DDX10: variants seen among roughly 807,000 people sequenced by gnomAD.
The protein encoded by DDX10 is DEAD-box helicase 10.
A neutral mutation model predicts 104.3 loss-of-function variants in DDX10; 74 were observed. The observed-to-expected ratio is 0.71, with a 90% CI of 0.59 to 0.86. The LOEUF is 0.86. Ranked by LOEUF, DDX10 falls within the 40% of genes least tolerant of loss-of-function variation. The pLI, the probability that DDX10 is intolerant of heterozygous loss-of-function variation, is 0.00. For missense variants in DDX10, 952 were observed against 1,040.0 expected (o/e 0.92, Z 1.16); for synonymous variants, 351 against 353.4 (o/e 0.99, Z 0.08).
intron 16 of DDX10, among the ~76,000 whole-genome samples, chr11:108,853,268 T>G (rs1468070851): frequency 6.6e-6 from 1 of 152,136 alleles, no homozygotes; most frequent in Non-Finnish European, 1.5e-5. Flanking sequence ...TCTCAGAGGC[T>G]GTAGTGGGAA....
At position 108,677,169 on chromosome 11, in the gene DDX10, T is replaced by A; in HGVS notation, c.463T>A (p.Tyr155Asn). ...AATATCACCTACGAGAGAACTGGCC[T>A]ATCAGACCTTTGAGGTTCTCCGAAA... Reference protein sequence around the residue: ...LIISPTRELAYQTFEVLRKVG... With the variant: ...LIISPTRELANQTFEVLRKVG... Residue 155 changes from tyrosine to asparagine, a missense_variant, in exon 4 of 18, where the codon TAT becomes AAT. Tyr to Asn is a moderately radical substitution (Grantham distance 143). Around this residue, in one of 3 missense-constraint regions of DDX10, gnomAD observed 412 missense variants for 479.2 expected, o/e 0.86. Coordinates refer to ENST00000322536, the MANE Select transcript of DDX10 (RefSeq NM_004398.4). The A allele has an allele frequency of 6.2e-7, 1 of 1,613,966 alleles. No individual in the cohort carries two copies. The highest frequency in any genetic ancestry group is 8.5e-7 in the Non-Finnish European group (1 of 1,179,934).
intron 16 of DDX10, among the ~76,000 whole-genome samples, chr11:108,875,060 C>A (rs1406589389): frequency 6.6e-6 from 1 of 152,066 alleles, no homozygotes; most frequent in Non-Finnish European, 1.5e-5. Context: ...GTTAAACAAC[C>A]AATAAAATGG....
rs543816555 is a variant in DDX10 at position 108,740,183 on chromosome 11, A to G, written c.1965+16721A>G. Among the ~76,000 whole-genome samples the G allele has an allele frequency of 2.0e-5, 3 of 152,098 alleles. No homozygotes were observed. The East Asian group carries it at 5.8e-4, about 29-fold the overall frequency. ...CCCCTGTGTCTCTTGTTGCCTTCAG[A>G]TCCATATGTACTCAATGTTTAACTT... is the stretch of plus-strand genomic sequence containing the variant. On this transcript the variant is annotated intron_variant, in intron 13 of 17. Coordinates refer to ENST00000322536, the MANE Select transcript of DDX10 (RefSeq NM_004398.4).
At chr11:108,714,357 CTCTT>C (rs2094288586) in intron 10 of DDX10, among the ~76,000 whole-genome samples, 1 of 149,276 alleles carries the variant, frequency 6.7e-6, no homozygotes, top group Non-Finnish European at 1.5e-5. Context: ...ACTCACCTCT[CTCTT>C]TCCTGTGTTG....
In DDX10 at chr11:108,729,273, A is replaced by G. The variant is rs146634310; in HGVS notation, c.1965+5811A>G. 3.3e-5 allele frequency among the ~76,000 whole-genome samples: 5 copies of G among 152,258 alleles called. No individual in the cohort carries two copies. In the East Asian group the frequency reaches 7.7e-4, roughly 24 times the overall value. On this transcript the variant is annotated intron_variant, in intron 13 of 17. Coordinates refer to ENST00000322536, the MANE Select transcript of DDX10 (RefSeq NM_004398.4). ...CGTAATACCTCCTTATGCCGCTCTT[A>G]TTGAAGGAGGGTCACAAATTCCTCC...
chr11:108,832,357 C>G (rs1862484603), intron 13 of DDX10, among the ~76,000 whole-genome samples: 1 of 152,120 alleles, frequency 6.6e-6, no homozygotes, highest in Non-Finnish European at 1.5e-5. Flanking sequence ...TTCATCTTCA[C>G]AAAAACCAAA....
chr11:108,885,388 C>T (rs1218134637), intron 16 of DDX10, among the ~76,000 whole-genome samples: 9 of 146,422 alleles, frequency 6.1e-5, no homozygotes, highest in South Asian at 2.2e-4. Context: ...GATGGAGTCT[C>T]GCACTCTCAC....
At chr11:108,814,208 T>TGGTA (rs1287926121) in intron 13 of DDX10, among the ~76,000 whole-genome samples, 5 of 152,160 alleles carry the variant, frequency 3.3e-5, no homozygotes, top group African/African-American at 1.2e-4. Flanking sequence ...GGCTAAGAGA[T>TGGTA]GGTAGGTCTT....
At chr11:108,706,044 T>C (rs1261954844) in intron 9 of DDX10, among the ~76,000 whole-genome samples, 1 of 152,112 alleles carries the variant, frequency 6.6e-6, no homozygotes, top group Non-Finnish European at 1.5e-5. Context: ...TGATCTCAGC[T>C]CACTGCAACC....
chr11:108,879,323 A>G (rs1428081686), intron 16 of DDX10, among the ~76,000 whole-genome samples: 3 of 152,180 alleles, frequency 2.0e-5, no homozygotes, highest in East Asian at 1.9e-4. Context: ...TCTTCTAAAC[A>G]TTTGGATTCA....
At chr11:108,679,291 A>G (rs560673467) in intron 5 of DDX10, 80 bp from the exon 6 acceptor site, 5 of 1,209,082 alleles carry the variant, frequency 4.1e-6, no homozygotes, top group Middle Eastern at 5.8e-4. Flanking sequence ...CTGTTTTAGG[A>G]TCCAATCCAG....
intron 16 of DDX10, among the ~76,000 whole-genome samples, chr11:108,898,515 C>T (rs1201393427): frequency 6.6e-6 from 1 of 151,916 alleles, no homozygotes; most frequent in Non-Finnish European, 1.5e-5. Flanking sequence ...TAACAAATGA[C>T]ACAGAAAGAC....
intron 6 of DDX10, among the ~76,000 whole-genome samples, chr11:108,688,056 C>CT (rs2094247100): frequency 6.6e-6 from 1 of 152,086 alleles, no homozygotes; most frequent in African/African-American, 2.4e-5. Flanking sequence ...ATCTTCATTC[C>CT]TTTTTTACAG....
chr11:108,832,106 CA>C (rs1862481098), intron 13 of DDX10, among the ~76,000 whole-genome samples: 1 of 151,868 alleles, frequency 6.6e-6, no homozygotes, highest in Admixed American at 6.6e-5. Flanking sequence ...AAAATCTTGT[CA>C]AAAAATATAA....
At chr11:108,722,425 T>C (rs1240317651) in intron 12 of DDX10, among the ~76,000 whole-genome samples, 1 of 152,236 alleles carries the variant, frequency 6.6e-6, no homozygotes, top group African/African-American at 2.4e-5. Flanking sequence ...ATTTCTTTTT[T>C]TGGTGTTTGG....
chr11:108,677,074 G>C lies in DDX10; in HGVS notation c.379-11G>C. On this transcript the variant is annotated splice_polypyrimidine_tract_variant and intron_variant, in intron 3 of 17. Transcript: ENST00000322536. ...ATGACTTACTGAACATGAATTTGCT[G>C]TCTTTTTGAGGTGCTGGAAGCCTTA... The C allele has an allele frequency of 6.3e-7, 1 of 1,593,070 alleles. No individual in the cohort carries two copies. Among genetic ancestry groups the C allele is most frequent in the Middle Eastern group, 1.9e-4 (1 of 5,312 alleles).
rs190783482 is a variant in DDX10 at position 108,899,705 on chromosome 11, A to G, written c.2305-18168A>G. Among the ~76,000 whole-genome samples the G allele has an allele frequency of 2.4e-4, 36 of 152,224 alleles. No homozygotes were observed. The East Asian group carries it at 5.0e-3, about 21-fold the overall frequency. Reference sequence around the variant, plus strand: ...ATCTCATATTGAATTGTAATCCCCAATGTTGGAGGTGGGGGCAGATGGGAG... The same window carrying G: ...ATCTCATATTGAATTGTAATCCCCAGTGTTGGAGGTGGGGGCAGATGGGAG... On this transcript the variant is annotated intron_variant, in intron 16 of 17. Coordinates refer to ENST00000322536, the MANE Select transcript of DDX10 (RefSeq NM_004398.4).
At chr11:108,755,253 C>T (rs2094343131) in intron 13 of DDX10, among the ~76,000 whole-genome samples, 1 of 152,050 alleles carries the variant, frequency 6.6e-6, no homozygotes, top group South Asian at 2.1e-4. Flanking sequence ...ACAAATCCTT[C>T]CTGCTAATAA....
chr11:108,790,172 G>A lies in DDX10; in HGVS notation c.1966-48274G>A, dbSNP rs571922986. On this transcript the variant is annotated intron_variant, in intron 13 of 17. Transcript: ENST00000322536. ...GTGAGAAATTCAACCATAGATGTCCGCCCTACTCCAGATGATGTAAGGTTT... is the reference window on the plus strand; with the variant it reads ...GTGAGAAATTCAACCATAGATGTCCACCCTACTCCAGATGATGTAAGGTTT... 3.9e-5 allele frequency among the ~76,000 whole-genome samples: 6 copies of A among 152,162 alleles called. 1 individual carries two copies. The East Asian group carries it at 9.6e-4, about 24-fold the overall frequency.
Sources: gnomAD v4.1 joint callset for allele counts (sites outside exome capture counted in the v4.1 genomes callset) on GRCh38, gnomAD v4.1.1 for gene constraint, gnomAD v4.1.1 regional missense constraint, MANE v1.5 for transcripts, NCBI Gene and HGNC (gene_info 2026-07-23, HGNC 2026-07-21) for gene names.